DNAJC6: variants seen among roughly 807,000 people sequenced by gnomAD.
DNAJC6 encodes the protein DnaJ heat shock protein family (Hsp40) member C6, also known as auxilin.
A neutral mutation model predicts 110.0 loss-of-function variants in DNAJC6; 34 were observed. The observed-to-expected ratio is 0.31, with a 90% CI of 0.24 to 0.41. The LOEUF is 0.41. Ranked by LOEUF, DNAJC6 falls within the 10% of genes least tolerant of loss-of-function variation. The pLI is 1.00. For synonymous variants in DNAJC6, 406 were observed against 437.2 expected (o/e 0.93, Z 0.89); for missense variants, 1,031 against 1,207.8 (o/e 0.85, Z 2.17).
At chr1:65,306,972 TTC>T (rs144458447), upstream of DNAJC6, among the ~76,000 whole-genome samples, 2,299 of 90,000 alleles carry the variant, frequency 0.026, 25 homozygotes, top group Non-Finnish European at 0.033. Flanking sequence ...CTCAATCTGT[TTC>T]TCTCTCTCTC....
rs1252406045 is a variant in DNAJC6 at position 65,414,111 on chromosome 1, C to A, written c.*1086C>A. On this transcript the variant is annotated 3_prime_UTR_variant, in exon 19 of 19. Coordinates refer to ENST00000371069, the MANE Select transcript of DNAJC6 (RefSeq NM_001256864.2). ...CTTGTCAGTATCTGCTCTGAGGAAC[C>A]AGGTCCCACCTCCCCACAAGGCAAA... 3 of 152,236 alleles carry A rather than the reference C, an allele frequency of 2.0e-5. No individual in the cohort carries two copies. The highest frequency in any genetic ancestry group is 7.2e-5 in the African/African-American group (3 of 41,440). The allele number at this position is 152,236 out of a possible 1,614,324, so 9.4% of individuals were successfully genotyped here. A position where few individuals can be genotyped will look rare whatever the true frequency, so the allele number is the denominator to read the frequency against.
intron 8 of DNAJC6, 56 bp from the exon 9 acceptor site, chr1:65,388,280 G>A (rs1645891363): frequency 2.0e-6 from 3 of 1,485,822 alleles, no homozygotes; most frequent in Non-Finnish European, 2.8e-6. Context: ...CTAATCTTTT[G>A]ATCAGATTCC....
intron 1 of DNAJC6, among the ~76,000 whole-genome samples, chr1:65,354,987 A>G (rs1335256775): frequency 6.6e-6 from 1 of 152,124 alleles, no homozygotes; most frequent in East Asian, 1.9e-4. Flanking sequence ...CATTAAATTG[A>G]TTATTCTGGT....
chr1:65,276,233 C>G (rs1286991990), intron 1 of DNAJC6, among the ~76,000 whole-genome samples: 3 of 152,182 alleles, frequency 2.0e-5, no homozygotes, highest in African/African-American at 7.2e-5. Flanking sequence ...TCTGTTTTCT[C>G]AAATACATAC....
chr1:65,388,704 T>C (rs2101606133), intron 9 of DNAJC6, among the ~76,000 whole-genome samples: 1 of 152,362 alleles, frequency 6.6e-6, no homozygotes, highest in Admixed American at 6.5e-5. Context: ...ATCCTTTGCA[T>C]CTGTGTATCC....
At chr1:65,341,445 G>A (rs890353316) in intron 1 of DNAJC6, among the ~76,000 whole-genome samples, 3 of 152,116 alleles carry the variant, frequency 2.0e-5, no homozygotes, top group African/African-American at 7.2e-5. Context: ...CTCTGATTGT[G>A]TTACCTGGGA....
chr1:65,332,142 AT>A (rs1039852591), intron 1 of DNAJC6, among the ~76,000 whole-genome samples: 5 of 152,076 alleles, frequency 3.3e-5, no homozygotes, highest in Admixed American at 6.6e-5. Flanking sequence ...TGCTTTTTAA[AT>A]TTTTTTTCTC....
chr1:65,379,150 A>G (rs1372385016), intron 4 of DNAJC6, among the ~76,000 whole-genome samples: 2 of 152,216 alleles, frequency 1.3e-5, no homozygotes. Context: ...ATGTATTTGA[A>G]ATGGTCTAGT....
chr1:65,331,354 C>G (rs1445529276), intron 1 of DNAJC6, among the ~76,000 whole-genome samples: 1 of 152,198 alleles, frequency 6.6e-6, no homozygotes, highest in Non-Finnish European at 1.5e-5. Context: ...GATAAAAATA[C>G]CTGCCATTTA....
At chr1:65,398,646 T>A (rs1260368601) in intron 13 of DNAJC6, among the ~76,000 whole-genome samples, 167 bp from the exon 14 acceptor site, 1 of 152,204 alleles carries the variant, frequency 6.6e-6, no homozygotes, top group South Asian at 2.1e-4. Flanking sequence ...GCAGAACATA[T>A]TGAATGTTGC....
At chr1:65,402,483 G>C (rs969593933) in intron 15 of DNAJC6, among the ~76,000 whole-genome samples, 1 of 152,116 alleles carries the variant, frequency 6.6e-6, no homozygotes, top group Admixed American at 6.5e-5. Flanking sequence ...TTACCACTAA[G>C]AGGGACACAG....
chr1:65,384,074 C>T, intron 5 of DNAJC6, 119 bp from the exon 6 acceptor site: 1 of 1,226,372 alleles, frequency 8.2e-7, no homozygotes, highest in East Asian at 2.8e-5. Flanking sequence ...AAATGAAAAG[C>T]ACCCACAGTT....
At chr1:65,405,782 T>C in intron 15 of DNAJC6, 88 bp from the exon 16 acceptor site, 1 of 1,461,848 alleles carries the variant, frequency 6.8e-7, no homozygotes, top group Non-Finnish European at 9.2e-7. Flanking sequence ...GGAATGACTA[T>C]TAAAGCCACT....
chr1:65,265,079 A>G, intron 1 of DNAJC6: 2 of 717,974 alleles, frequency 2.8e-6, no homozygotes, highest in Non-Finnish European at 2.3e-6. Context: ...TAGTTATATA[A>G]TAAACATGAT....
At chr1:65,287,751 A>C (rs900543288) in intron 1 of DNAJC6, among the ~76,000 whole-genome samples, 1 of 151,982 alleles carries the variant, frequency 6.6e-6, no homozygotes, top group Non-Finnish European at 1.5e-5. Context: ...CCACAGGTGC[A>C]TGCTACCATA....
chr1:65,369,311 A>T (rs1202635792), intron 4 of DNAJC6, among the ~76,000 whole-genome samples: 1 of 152,160 alleles, frequency 6.6e-6, no homozygotes, highest in African/African-American at 2.4e-5. Flanking sequence ...TGATTTGCCT[A>T]CATCTCTTTT....
upstream of DNAJC6, among the ~76,000 whole-genome samples, chr1:65,307,396 A>T (rs1645054373): frequency 6.6e-6 from 1 of 152,186 alleles, no homozygotes. Context: ...CCAGAGATAG[A>T]TATTGAAAAA....
chr1:65,307,088 A>G (rs1414781880), upstream of DNAJC6, among the ~76,000 whole-genome samples: 3 of 146,856 alleles, frequency 2.0e-5, no homozygotes, highest in African/African-American at 7.6e-5. Flanking sequence ...TACTCATATT[A>G]TGCTTGTTTT....
chr1:65,410,721 T>C (rs1646120620), intron 17 of DNAJC6, among the ~76,000 whole-genome samples: 1 of 152,206 alleles, frequency 6.6e-6, no homozygotes, highest in African/African-American at 2.4e-5. Context: ...TAACAAGCCT[T>C]TTTGAGCTCT....
Sources: gnomAD v4.1 joint callset for allele counts (sites outside exome capture counted in the v4.1 genomes callset) on GRCh38, gnomAD v4.1.1 for gene constraint, MANE v1.5 for transcripts, NCBI Gene and HGNC (gene_info 2026-07-23, HGNC 2026-07-21) for gene names.